The following CCDC187 variants were observed in gnomAD, a reference collection of about 807,000 sequenced individuals.
CCDC187 encodes coiled-coil domain-containing protein 187.
Under a neutral mutation model 38.0 loss-of-function variants are expected in CCDC187, and 32 were observed. The observed-to-expected ratio is 0.84, with a 90% CI of 0.64 to 1.13. The LOEUF is 1.13. Among genes scored for constraint, CCDC187 ranks in the 50% most tolerant of loss-of-function variants. The pLI is 0.00. For synonymous variants in CCDC187, 333 were observed against 347.9 expected, an observed-to-expected ratio of 0.96 and a Z score of 0.48; for missense variants, 707 against 786.8, an observed-to-expected ratio of 0.90 and a Z score of 1.21.
In CCDC187 at chr9:136,252,380, G is replaced by T. The variant is rs1171033653; in HGVS notation, c.*1214C>A. The T allele has an allele frequency of 1.1e-5, 2 of 174,632 alleles. No individual in the cohort carries two copies. The highest frequency in any genetic ancestry group is 7.0e-5 in the Admixed American group (1 of 14,232). 10.8% of individuals were successfully genotyped at this position (174,632 alleles called of 1,614,324 possible). A position where few individuals can be genotyped will look rare whatever the true frequency, so the allele number is the denominator to read the frequency against. The stretch of plus-strand genomic sequence containing the variant: ...AGCCGGCCGCCCACCCCGTCCACCA[G>T]GGGAAGGTCCAGGCAACCGTCCCGC... On this transcript the variant is annotated 3_prime_UTR_variant, in exon 26 of 26. Transcript: ENST00000638797.
chr9:136,284,296 G>C (rs1405036752), intron 9 of CCDC187, among the ~76,000 whole-genome samples: 1 of 152,144 alleles, frequency 6.6e-6, no homozygotes, highest in African/African-American at 2.4e-5. Flanking sequence ...AAGACAGCTT[G>C]GTGGAGGTGG....
Position 136,290,009 on chromosome 9 carries a change from C to T in CCDC187, c.2172G>A (p.Trp724Ter), listed in dbSNP as rs930342382. ...GCACCATGCCAGAGGTCACTTTGCT[C>T]CATTCCAGCACTGGGGACTCCAGGC... ...SGSLESPVLE[W>*]SKVTSGMVLG... The change falls in exon 7 of 26, where the codon TGG becomes TGA. Residue 724 changes from tryptophan (W) to a stop codon, truncating the protein, a stop_gained. Coordinates refer to ENST00000638797, the MANE Select transcript of CCDC187 (RefSeq NM_001378188.1). LOFTEE classifies it high-confidence loss of function. 5.5e-5 allele frequency: 22 copies of T among 398,584 alleles called. No homozygotes were observed. Among genetic ancestry groups the T allele is most frequent in the Middle Eastern group, 6.2e-4 (1 of 1,608 alleles). The allele number at this position is 398,584 out of a possible 1,614,324, so 24.7% of individuals were successfully genotyped here.
intron 10 of CCDC187, among the ~76,000 whole-genome samples, chr9:136,277,296 GACGGGGTGGGTGTGA>G (rs1432707052): frequency 7.8e-6 from 1 of 127,392 alleles, no homozygotes; most frequent in Non-Finnish European, 1.7e-5. Context: ...GGTGGGTGAT[GACGGGGTGGGTGTGA>G]ACGGGGTGGG....
At chr9:136,292,689 G>A (rs1294975294) in intron 4 of CCDC187, among the ~76,000 whole-genome samples, 1 of 152,210 alleles carries the variant, frequency 6.6e-6, no homozygotes, top group African/African-American at 2.4e-5. Context: ...TGACAACCGC[G>A]AGCCAGCAGC....
At position 136,291,417 on chromosome 9, in the gene CCDC187, C is replaced by T. The variant is rs1453310646; in HGVS notation, c.1196G>A (p.Gly399Glu). ...GTCCTGCAGCCTCCGCTTTGATGGC[C>T]CGAGCTCTTGCCCTCCCTTGCGGGC... ...AQARKGGQELGPSKRRLQDVA... is the reference protein window; with the variant it reads ...AQARKGGQELEPSKRRLQDVA... Residue 399 changes from glycine (G) to glutamate (E), a missense_variant, in exon 6 of 26, where the codon GGG becomes GAG. Physicochemically the swap from Gly to Glu is moderately conservative, Grantham distance 98. Coordinates refer to ENST00000638797, the MANE Select transcript of CCDC187 (RefSeq NM_001378188.1). 2.5e-6 allele frequency: 1 copy of T among 398,992 alleles called. No individual in the cohort carries two copies. The allele number at this position is 398,992 out of a possible 1,614,324, so 24.7% of individuals were successfully genotyped here.
intron 9 of CCDC187, among the ~76,000 whole-genome samples, 184 bp downstream of exon 9, chr9:136,285,329 C>A (rs905525280): frequency 5.9e-5 from 9 of 152,278 alleles, no homozygotes; most frequent in Middle Eastern, 3.4e-3. Flanking sequence ...AGCGTCCGAG[C>A]CAGCACCACC....
chr9:136,300,089 C>T (rs1215942765), intron 3 of CCDC187, 131 bp downstream of exon 3: 10 of 396,094 alleles, frequency 2.5e-5, no homozygotes, highest in Non-Finnish European at 4.4e-5. Context: ...CCCCCCTTGG[C>T]CTCTTTCCAG....
chr9:136,261,425 C>T (rs1830677525), intron 19 of CCDC187, among the ~76,000 whole-genome samples: 2 of 152,142 alleles, frequency 1.3e-5, no homozygotes, highest in African/African-American at 4.8e-5. Flanking sequence ...ACCCCTCCGC[C>T]AGGAGGGTGG....
rs1235357906 is a variant in CCDC187 at position 136,264,456 on chromosome 9, C to G, written c.3736-658G>C. Among the ~76,000 whole-genome samples the G allele has an allele frequency of 6.6e-6, 1 of 152,328 alleles. No individual in the cohort carries two copies. The highest frequency in any genetic ancestry group is 2.1e-4 in the South Asian group (1 of 4,826). ...CCTGTTCTGCCAGGCCCCGTCGTTG[C>G]CATGTGACATGCAGACCCCTTCTAA... On this transcript the variant is annotated intron_variant, in intron 17 of 25. Transcript: ENST00000638797. This position sits in a 1 kb window ranked among gnomAD's most constrained non-coding sequence, Gnocchi z 4.3.
intron 19 of CCDC187, among the ~76,000 whole-genome samples, chr9:136,261,002 C>T (rs1307164453): frequency 2.0e-5 from 3 of 152,186 alleles, no homozygotes; most frequent in African/African-American, 7.2e-5. Flanking sequence ...CTCTTAGAGC[C>T]GCCCCAGAAA....
At chr9:136,282,456 G>A (rs1168820795) in intron 9 of CCDC187, among the ~76,000 whole-genome samples, 4 of 152,166 alleles carry the variant, frequency 2.6e-5, no homozygotes, top group African/African-American at 9.7e-5. Flanking sequence ...CGGGTTTGTG[G>A]GCGGAGCATG....
At chr9:136,297,320 G>A (rs969632506) in intron 4 of CCDC187, among the ~76,000 whole-genome samples, 5 of 151,446 alleles carry the variant, frequency 3.3e-5, no homozygotes, top group African/African-American at 1.2e-4. Flanking sequence ...GTGAGCTGCA[G>A]GTGGTGTGAG....
At chr9:136,291,988 C>T (rs1831343161) in intron 5 of CCDC187, among the ~76,000 whole-genome samples, 173 bp downstream of exon 5, 1 of 152,228 alleles carries the variant, frequency 6.6e-6, no homozygotes, top group South Asian at 2.1e-4. Context: ...CACTTATTGC[C>T]CAAAGTCCCC....
At chr9:136,305,059 G>A (rs1227448097), upstream of CCDC187, among the ~76,000 whole-genome samples, 1 of 152,200 alleles carries the variant, frequency 6.6e-6, no homozygotes, top group Non-Finnish European at 1.5e-5. Flanking sequence ...CCTGGCTGCC[G>A]GCAGGCACAG....
rs1554761765 is a variant in CCDC187, at chr9:136,267,280, C to CG, written c.3647+103dup. The CG allele has an allele frequency of 2.2e-5, 17 of 783,672 alleles. No individual in the cohort carries two copies. In the South Asian group the frequency reaches 1.0e-3, roughly 47 times the overall value. The allele number at this position is 783,672 out of a possible 1,614,324, so 48.5% of individuals were successfully genotyped here. On this transcript the variant is annotated intron_variant, in intron 16 of 25. Coordinates refer to ENST00000638797, the MANE Select transcript of CCDC187 (RefSeq NM_001378188.1). The stretch of plus-strand genomic sequence containing the variant: ...CTCAAAACGCTGTCGGGGCCACGGG[C>CG]GGGACCCGGACGGGGCAGGGAGGGG...
At chr9:136,267,902 C>T in intron 15 of CCDC187, 147 bp downstream of exon 15, 2 of 985,564 alleles carry the variant, frequency 2.0e-6, no homozygotes, top group Non-Finnish European at 1.2e-6. Flanking sequence ...GCTGGAAGAG[C>T]GGGTGACGCG....
chr9:136,293,181 A>ACT (rs1294726011), intron 4 of CCDC187, among the ~76,000 whole-genome samples: 3 of 107,028 alleles, frequency 2.8e-5, no homozygotes, highest in African/African-American at 3.9e-5. Context: ...ATGCTCACAC[A>ACT]CACTCACATG....
At chr9:136,277,710 C>A (rs1001959353) in intron 10 of CCDC187, among the ~76,000 whole-genome samples, 3 of 152,066 alleles carry the variant, frequency 2.0e-5, no homozygotes, top group Non-Finnish European at 4.4e-5. Context: ...ACTCTGAATG[C>A]TGTTGGAGCT....
At position 136,267,408 on chromosome 9, in the gene CCDC187, A is replaced by G; in HGVS notation, c.3623T>C (p.Leu1208Pro). The change falls in exon 16 of 26, where the codon CTG (leucine) becomes CCG (proline). Residue 1208 changes from leucine to proline, a missense_variant. By Grantham distance (98) the Leu-to-Pro change is moderately conservative. Transcript: ENST00000638797. Reference protein sequence around the residue: ...MALQEKTLAELAWLEHRRGCL... With the variant: ...MALQEKTLAEPAWLEHRRGCL... ...CCCTCGTCGATGCTCCAGCCAGGCCAGCTCCGCGAGCGTTTTCTCCTGGAG... is the reference window on the plus strand; with the variant it reads ...CCCTCGTCGATGCTCCAGCCAGGCCGGCTCCGCGAGCGTTTTCTCCTGGAG... The G allele has an allele frequency of 2.0e-6, 2 of 985,494 alleles. No individual in the cohort carries two copies. The highest frequency in any genetic ancestry group is 1.7e-5 in the African/African-American group (1 of 57,340). The allele number at this position is 985,494 out of a possible 1,614,324, so 61.0% of individuals were successfully genotyped here.
Sources: allele counts gnomAD v4.1 joint callset (sites outside exome capture counted in the v4.1 genomes callset), GRCh38; gene constraint gnomAD v4.1.1; non-coding constraint Gnocchi (gnomAD v3.1); transcripts MANE v1.5; gene names NCBI Gene and HGNC (gene_info 2026-07-23, HGNC 2026-07-21).